MOXD1: variants seen among roughly 807,000 people sequenced by gnomAD.
MOXD1 encodes monooxygenase DBH like 1, also known as DBH-like monooxygenase protein 1.
A neutral mutation model predicts 66.6 loss-of-function variants in MOXD1; 62 were observed. The observed-to-expected ratio is 0.93, with a 90% CI of 0.76 to 1.15. The LOEUF is 1.15. Ranked by LOEUF, MOXD1 falls within the 50% of genes most tolerant of loss-of-function variation. The pLI is 0.00. For synonymous variants in MOXD1, 303 were observed against 281.9 expected (o/e 1.07, Z -0.75); for missense variants, 847 against 754.6 (o/e 1.12, Z -1.44).
intron 6 of MOXD1, among the ~76,000 whole-genome samples, chr6:132,324,406 A>AC (rs1775144346): frequency 6.6e-6 from 1 of 152,240 alleles, no homozygotes; most frequent in Non-Finnish European, 1.5e-5. Flanking sequence ...TAACATGAAG[A>AC]CAGAATGAAG....
intron 4 of MOXD1, among the ~76,000 whole-genome samples, chr6:132,363,299 C>G (rs1244480767): frequency 2.0e-5 from 3 of 151,080 alleles, no homozygotes; most frequent in Non-Finnish European, 4.4e-5. Flanking sequence ...GGTGATGTCA[C>G]TATAAGTGTC....
chr6:132,330,943 A>G (rs1056212553), intron 4 of MOXD1, among the ~76,000 whole-genome samples: 1 of 152,064 alleles, frequency 6.6e-6, no homozygotes, highest in Non-Finnish European at 1.5e-5. Context: ...CCTCAGGTAC[A>G]TTTTCAACAT....
intron 1 of MOXD1, among the ~76,000 whole-genome samples, chr6:132,386,367 A>G (rs1267506762): frequency 6.7e-6 from 1 of 150,256 alleles, no homozygotes; most frequent in East Asian, 2.0e-4. Flanking sequence ...GCGCCACTGC[A>G]CTTCAGCCTG....
intron 4 of MOXD1, among the ~76,000 whole-genome samples, chr6:132,361,448 T>A (rs1776017223): frequency 6.6e-6 from 1 of 152,182 alleles, no homozygotes; most frequent in South Asian, 2.1e-4. Flanking sequence ...GTGTTCACCC[T>A]TTACAATATT....
At chr6:132,316,117 A>G (rs1172137384) in intron 9 of MOXD1, among the ~76,000 whole-genome samples, 1 of 152,166 alleles carries the variant, frequency 6.6e-6, no homozygotes, top group Non-Finnish European at 1.5e-5. Flanking sequence ...TTTCTGATTT[A>G]ATTGAATTTT....
At chr6:132,351,458 T>C (rs1775802025) in intron 4 of MOXD1, among the ~76,000 whole-genome samples, 1 of 152,194 alleles carries the variant, frequency 6.6e-6, no homozygotes, top group Non-Finnish European at 1.5e-5. Flanking sequence ...GACTTGCCTA[T>C]GCTTAACCAT....
At position 132,297,189 on chromosome 6, in the gene MOXD1, C is replaced by T; in HGVS notation, c.1806G>A (p.Leu602=). Residue 602 remains leucine (L), a synonymous_variant, in exon 12 of 12, where the codon CTG becomes CTA. Transcript: ENST00000367963. ...DFSINLLVCL[L]LLSCTLSTKS... Reference sequence around the variant, plus strand: ...TGGTGCTCAGCGTGCAGCTGAGTAGCAGAAGGCAAACAAGCAAGTTGATGG... The same window carrying T: ...TGGTGCTCAGCGTGCAGCTGAGTAGTAGAAGGCAAACAAGCAAGTTGATGG... 1 of 1,613,518 alleles carries T rather than the reference C, an allele frequency of 6.2e-7. No individual in the cohort carries two copies. The highest frequency in any genetic ancestry group is 8.5e-7 in the Non-Finnish European group (1 of 1,179,638).
Position 132,324,076 on chromosome 6 carries a change from A to G in MOXD1, c.968T>C (p.Leu323Pro). ...YEEGLIDNSG[L>P]RLFYTMDIRK... ...TATATCCATTGTGTAAAATAACCTCAGTCCAGAATTATCTATTAAGCCTAG... is the reference window on the plus strand; with the variant it reads ...TATATCCATTGTGTAAAATAACCTCGGTCCAGAATTATCTATTAAGCCTAG... The change falls in exon 7 of 12, where the codon CTG (leucine) becomes CCG (proline). Residue 323 changes from leucine to proline, a missense_variant. Coordinates refer to ENST00000367963, the MANE Select transcript of MOXD1 (RefSeq NM_015529.4). The G allele has an allele frequency of 6.2e-7, 1 of 1,613,548 alleles. No homozygotes were observed. Among genetic ancestry groups the G allele is most frequent in the Non-Finnish European group, 8.5e-7 (1 of 1,179,742 alleles).
Position 132,296,847 on chromosome 6 carries a change from G to A in MOXD1, c.*306C>T, listed in dbSNP as rs541683627. On this transcript the variant is annotated 3_prime_UTR_variant, in exon 12 of 12. Coordinates refer to ENST00000367963, the MANE Select transcript of MOXD1 (RefSeq NM_015529.4). ...CAACAATGAGTATTTAAATAAAACAGAATGTAGTAGGAAAGAAAGAATTCT... is the reference window on the plus strand; with the variant it reads ...CAACAATGAGTATTTAAATAAAACAAAATGTAGTAGGAAAGAAAGAATTCT... 4.8e-4 allele frequency: 98 copies of A among 204,484 alleles called. No individual in the cohort carries two copies. In the Middle Eastern group the frequency reaches 0.014, roughly 29 times the overall value. The allele number at this position is 204,484 out of a possible 1,614,324, so 12.7% of individuals were successfully genotyped here. A position where few individuals can be genotyped will look rare whatever the true frequency, so the allele number is the denominator to read the frequency against.
In MOXD1 at chr6:132,401,419, C is replaced by T; in HGVS notation, c.8G>A (p.Cys3Tyr). Residue 3 changes from cysteine to tyrosine, a missense_variant, in exon 1 of 12, where the codon TGC becomes TAC. Coordinates refer to ENST00000367963, the MANE Select transcript of MOXD1 (RefSeq NM_015529.4). MC[C>Y]WPLLLLWGLL... ...CCCCCACAGCAGGAGCAGCGGCCAG[C>T]AGCACATCCTCGGGCGCCTCCTGCC... 1.3e-6 allele frequency: 2 copies of T among 1,502,120 alleles called. No homozygotes were observed. The highest frequency in any genetic ancestry group is 1.8e-6 in the Non-Finnish European group (2 of 1,131,678). 93.0% of individuals were successfully genotyped at this position (1,502,120 alleles called of 1,614,324 possible). A position where few individuals can be genotyped will look rare whatever the true frequency, so the allele number is the denominator to read the frequency against.
At chr6:132,344,414 A>G (rs1180737669) in intron 4 of MOXD1, among the ~76,000 whole-genome samples, 1 of 152,206 alleles carries the variant, frequency 6.6e-6, no homozygotes, top group Non-Finnish European at 1.5e-5. Flanking sequence ...TGGGGGGAAA[A>G]AAATCAATCT....
intron 4 of MOXD1, among the ~76,000 whole-genome samples, chr6:132,348,699 C>T (rs1475651895): frequency 6.6e-6 from 1 of 152,062 alleles, no homozygotes; most frequent in Non-Finnish European, 1.5e-5. Flanking sequence ...AATTCACAAC[C>T]TGCATAAGTT....
intron 4 of MOXD1, among the ~76,000 whole-genome samples, chr6:132,342,002 C>G (rs1206497326): frequency 1.5e-5 from 2 of 134,102 alleles, no homozygotes; most frequent in African/African-American, 7.0e-5. Context: ...AAATACAAAT[C>G]AGCTTTTTTT....
intron 10 of MOXD1, among the ~76,000 whole-genome samples, chr6:132,309,900 T>C (rs770480684): frequency 1.3e-5 from 2 of 152,174 alleles, no homozygotes; most frequent in Non-Finnish European, 2.9e-5. Context: ...ATAGAAACCC[T>C]AGAAGAAAAC....
chr6:132,391,122 A>G (rs988380223), intron 1 of MOXD1: 6 of 151,348 alleles, frequency 4.0e-5, no homozygotes, highest in African/African-American at 1.2e-4. Flanking sequence ...CACCTGAAAC[A>G]TTGAGGGGAG....
At chr6:132,385,365 T>C (rs1329257017) in intron 1 of MOXD1, among the ~76,000 whole-genome samples, 5 of 152,082 alleles carry the variant, frequency 3.3e-5, no homozygotes. Flanking sequence ...CTTTTGAGTA[T>C]ATACCAGTCA....
intron 4 of MOXD1, among the ~76,000 whole-genome samples, chr6:132,366,715 C>T (rs377466451): frequency 4.9e-4 from 75 of 152,192 alleles, no homozygotes; most frequent in African/African-American, 1.5e-3. Context: ...ATTTCAGAAA[C>T]GTGTTAATGA....
chr6:132,311,197 G>T (rs935453641), intron 10 of MOXD1, among the ~76,000 whole-genome samples: 20 of 152,138 alleles, frequency 1.3e-4, no homozygotes, highest in African/African-American at 4.8e-4. Context: ...TTCCCAAATT[G>T]AAAGAACTTG....
chr6:132,391,078 C>A (rs570281345), intron 1 of MOXD1: 5 of 151,256 alleles, frequency 3.3e-5, no homozygotes, highest in African/African-American at 4.8e-5. Context: ...TGGCCCAATA[C>A]GCCATTTAAT....
Sources: allele counts gnomAD v4.1 joint callset (sites outside exome capture counted in the v4.1 genomes callset), GRCh38; gene constraint gnomAD v4.1.1; transcripts MANE v1.5; gene names NCBI Gene and HGNC (gene_info 2026-07-23, HGNC 2026-07-21).